The following PTPRD variants were observed in gnomAD, a reference collection of about 807,000 sequenced individuals.
The protein encoded by PTPRD is protein tyrosine phosphatase receptor type D, also known as receptor-type tyrosine-protein phosphatase delta.
PTPRD carries 34 observed loss-of-function variants against 214.5 expected under a neutral mutation model. The observed-to-expected ratio is 0.16, with a 90% CI of 0.12 to 0.21. The LOEUF is 0.21. Among genes scored for constraint, PTPRD ranks in the 10% least tolerant of loss-of-function variants. The pLI, the probability that PTPRD is intolerant of heterozygous loss-of-function variation, is 1.00. For missense variants in PTPRD, 2,545 were observed against 2,398.7 expected (o/e 1.06, Z -1.27); for synonymous variants, 1,128 against 845.7 (o/e 1.33, Z -5.79).
intron 8 of PTPRD, among the ~76,000 whole-genome samples, chr9:9,489,956 G>A (rs530358172): frequency 2.3e-4 from 35 of 152,174 alleles, no homozygotes; most frequent in African/African-American, 8.2e-4. Context: ...AAGACAGGTT[G>A]TCAACAAAAT....
At chr9:10,565,575 G>A (rs982877266) in intron 2 of PTPRD, among the ~76,000 whole-genome samples, 3 of 152,044 alleles carry the variant, frequency 2.0e-5, no homozygotes, top group African/African-American at 4.8e-5. Context: ...ATGCTGTTAC[G>A]GAACTGTATA....
intron 2 of PTPRD, among the ~76,000 whole-genome samples, chr9:10,449,301 G>A (rs939759038): frequency 1.3e-5 from 2 of 151,880 alleles, no homozygotes; most frequent in Non-Finnish European, 2.9e-5. Flanking sequence ...TGGGCCTCCC[G>A]AGGCGCCGGG....
chr9:9,320,532 C>T (rs536444814), intron 9 of PTPRD, among the ~76,000 whole-genome samples: 4 of 152,254 alleles, frequency 2.6e-5, no homozygotes, highest in Non-Finnish European at 5.9e-5. Context: ...TCACACTTCA[C>T]TTACATCTGT....
intron 11 of PTPRD, among the ~76,000 whole-genome samples, chr9:8,877,635 A>C (rs1277262208): frequency 6.6e-6 from 1 of 152,238 alleles, no homozygotes; most frequent in Non-Finnish European, 1.5e-5. Context: ...ATAGAAGTTT[A>C]TCAGGAAAAA....
At chr9:10,327,453 T>C (rs1026429264) in intron 3 of PTPRD, among the ~76,000 whole-genome samples, 2 of 151,420 alleles carry the variant, frequency 1.3e-5, no homozygotes, top group Non-Finnish European at 3.0e-5. Context: ...AAAGGAATTA[T>C]TGTAAGGTCT....
chr9:9,523,634 G>A (rs182597551), intron 8 of PTPRD, among the ~76,000 whole-genome samples: 6 of 152,172 alleles, frequency 3.9e-5, no homozygotes, highest in African/African-American at 1.4e-4. Context: ...ACTTTCCAAA[G>A]CAAACTATGA....
intron 8 of PTPRD, among the ~76,000 whole-genome samples, chr9:9,407,374 A>T (rs1161338375): frequency 6.6e-6 from 1 of 151,822 alleles, no homozygotes; most frequent in African/African-American, 2.4e-5. Context: ...TAACATGATT[A>T]TAAATAATGG....
chr9:9,777,403 A>G (rs2154486813), intron 5 of PTPRD, among the ~76,000 whole-genome samples: 1 of 152,258 alleles, frequency 6.6e-6, no homozygotes, highest in African/African-American at 2.4e-5. Flanking sequence ...TAAGATAAAT[A>G]TATAATTCCA....
At chr9:10,411,216 A>T (rs1258306088) in intron 2 of PTPRD, among the ~76,000 whole-genome samples, 1 of 151,758 alleles carries the variant, frequency 6.6e-6, no homozygotes, top group African/African-American at 2.4e-5. Flanking sequence ...GTATTTTTCA[A>T]TAGGCCTCTA....
At chr9:10,103,553 A>G (rs1057131668) in intron 3 of PTPRD, among the ~76,000 whole-genome samples, 2 of 151,208 alleles carry the variant, frequency 1.3e-5, no homozygotes, top group Non-Finnish European at 3.0e-5. Context: ...GAATTATACA[A>G]TATAAGCCCC....
At chr9:8,686,237 T>A (rs2097678423) in intron 12 of PTPRD, among the ~76,000 whole-genome samples, 1 of 152,212 alleles carries the variant, frequency 6.6e-6, no homozygotes, top group Non-Finnish European at 1.5e-5. Flanking sequence ...AAACTTAAAA[T>A]ATTCAGTGAC....
At chr9:8,329,359 A>G (rs898528616) in intron 44 of PTPRD, among the ~76,000 whole-genome samples, 1 of 152,096 alleles carries the variant, frequency 6.6e-6, no homozygotes, top group South Asian at 2.1e-4. Context: ...AGAACAGCAA[A>G]GATTGCTGCC....
intron 11 of PTPRD, among the ~76,000 whole-genome samples, chr9:8,865,280 A>G (rs1325203512): frequency 6.6e-6 from 1 of 152,218 alleles, no homozygotes. Context: ...GTGTTGGATC[A>G]TTTAATTTCT....
At chr9:10,379,395 T>C (rs993381781) in intron 2 of PTPRD, among the ~76,000 whole-genome samples, 1 of 151,938 alleles carries the variant, frequency 6.6e-6, no homozygotes, top group Non-Finnish European at 1.5e-5. Context: ...GGAGTTCCTG[T>C]ATTATGTTGA....
chr9:9,602,657 T>C (rs768027449), intron 7 of PTPRD, among the ~76,000 whole-genome samples: 3 of 152,092 alleles, frequency 2.0e-5, no homozygotes, highest in African/African-American at 7.2e-5. Context: ...AAAATAGATA[T>C]ACAAGCATTC....
chr9:10,118,640 G>C (rs2098750160), intron 3 of PTPRD, among the ~76,000 whole-genome samples: 1 of 151,444 alleles, frequency 6.6e-6, no homozygotes, highest in Non-Finnish European at 1.5e-5. Flanking sequence ...AGTTGGCTAT[G>C]AGCTCAAAAT....
intron 14 of PTPRD, among the ~76,000 whole-genome samples, chr9:8,629,840 C>A (rs779266272): frequency 4.6e-5 from 7 of 151,742 alleles, no homozygotes; most frequent in Non-Finnish European, 1.0e-4. Context: ...AGTTAATTGC[C>A]CAAATATCTT....
intron 14 of PTPRD, among the ~76,000 whole-genome samples, chr9:8,612,360 G>A (rs1211372504): frequency 6.6e-6 from 1 of 152,198 alleles, no homozygotes; most frequent in Non-Finnish European, 1.5e-5. Context: ...TAAAGGCCAA[G>A]ATTAAATGTA....
At chr9:10,309,987 G>C (rs2096222781) in intron 3 of PTPRD, among the ~76,000 whole-genome samples, 1 of 151,962 alleles carries the variant, frequency 6.6e-6, no homozygotes, top group African/African-American at 2.4e-5. Context: ...AATATGTTCA[G>C]AGTTTATTAC....
Sources: gnomAD v4.1 joint callset for allele counts (sites outside exome capture counted in the v4.1 genomes callset) on GRCh38, gnomAD v4.1.1 for gene constraint, MANE v1.5 for transcripts, NCBI Gene and HGNC (gene_info 2026-07-23, HGNC 2026-07-21) for gene names.